Variants in ZNF541 observed in about 807,000 individuals in gnomAD.
The protein encoded by ZNF541 is zinc finger protein 541.
A neutral mutation model predicts 123.5 loss-of-function variants in ZNF541; 23 were observed. The observed-to-expected ratio is 0.19, with a 90% CI of 0.13 to 0.26. The LOEUF (loss-of-function observed/expected upper bound fraction) is 0.26, where lower values mean the gene tolerates loss of function less well. ZNF541 is among the 10% of genes least tolerant of loss of function. ZNF541 has a pLI of 1.00. For synonymous variants in ZNF541, 751 were observed against 754.5 expected (o/e 1.00, Z 0.08); for missense variants, 1,612 against 1,789.9 (o/e 0.90, Z 1.79).
At chr19:47,532,873 G>A in intron 10 of ZNF541, 36 bp downstream of exon 10, 2 of 1,544,678 alleles carry the variant, frequency 1.3e-6, no homozygotes, top group Non-Finnish European at 1.8e-6. Flanking sequence ...CTCAAGGTGG[G>A]GTAAAAGCAG....
Position 47,555,735 on chromosome 19 carries a change from G to A in ZNF541, c.122C>T (p.Thr41Met), listed in dbSNP as rs201997465. ...DTLNRDLGPNTRGFLYAGLSG... is the reference protein window; with the variant it reads ...DTLNRDLGPNMRGFLYAGLSG... The stretch of plus-strand genomic sequence containing the variant: ...CAGGCCAGCATAAAGAAAGCCTCGC[G>A]TGTTGGGACCCAAATCCCGGTTGAG... The change falls in exon 3 of 17, where the codon ACG becomes ATG. Residue 41 changes from threonine (T) to methionine (M), a missense_variant. This residue lies in a region of ZNF541 where 212 missense variants were observed against 289.6 expected (regional missense o/e 0.73). Transcript: ENST00000391901. 21 of 1,551,640 alleles carry A rather than the reference G, an allele frequency of 1.4e-5. No homozygotes were observed. The highest frequency in any genetic ancestry group is 1.7e-4 in the Middle Eastern group (1 of 6,014).
At chr19:47,527,655 C>G (rs998243537) in intron 14 of ZNF541, among the ~76,000 whole-genome samples, 2 of 152,096 alleles carry the variant, frequency 1.3e-5, no homozygotes, top group African/African-American at 4.8e-5. Flanking sequence ...CTTGGCCTCC[C>G]AAAGTGCTAG....
At chr19:47,550,175 C>T (rs1970533349) in intron 3 of ZNF541, among the ~76,000 whole-genome samples, 1 of 151,930 alleles carries the variant, frequency 6.6e-6, no homozygotes. Flanking sequence ...CTGCTTGAAC[C>T]CAGGAGGCGG....
intron 11 of ZNF541, 107 bp downstream of exon 11, chr19:47,532,021 A>G: frequency 2.1e-6 from 3 of 1,423,784 alleles, no homozygotes. Context: ...CCCAGGGGAC[A>G]CTACTTGGAT....
chr19:47,557,233 G>T (rs1028047068), intron 2 of ZNF541, among the ~76,000 whole-genome samples: 1 of 152,152 alleles, frequency 6.6e-6, no homozygotes, highest in African/African-American at 2.4e-5. Context: ...AGACACGTGG[G>T]TGAGGGAAAC....
In ZNF541 at chr19:47,555,690, G is replaced by C. The variant is rs1599723989; in HGVS notation, c.167C>G (p.Pro56Arg). 1 of 1,551,754 alleles carries C rather than the reference G, an allele frequency of 6.4e-7. No homozygotes were observed. Among genetic ancestry groups the C allele is most frequent in the East Asian group, 2.4e-5 (1 of 40,920 alleles). The change falls in exon 3 of 17, where the codon CCC becomes CGC. Residue 56 changes from proline to arginine, a missense_variant. Pro to Arg is a moderately radical substitution (Grantham distance 103, BLOSUM62 -2). Around this residue, in one of 5 missense-constraint regions of ZNF541, gnomAD observed 212 missense variants for 289.6 expected, o/e 0.73. Coordinates refer to ENST00000391901, the MANE Select transcript of ZNF541 (RefSeq NM_001277075.3). Reference sequence around the variant, plus strand: ...GGACATGTCAGGCGTTGGGAGGCTGGGGTCCGGGTCCAGACCACTCAGGCC... The same window carrying C: ...GGACATGTCAGGCGTTGGGAGGCTGCGGTCCGGGTCCAGACCACTCAGGCC... ...YAGLSGLDPD[P>R]SLPTPDMSSE...
intron 14 of ZNF541, among the ~76,000 whole-genome samples, chr19:47,526,493 A>AG (rs1969303193): frequency 1.4e-5 from 2 of 146,512 alleles, no homozygotes; most frequent in African/African-American, 2.7e-5. Flanking sequence ...AAAAAAAAAA[A>AG]AAAAAAAGAA....
rs1160381772 is a variant in ZNF541 at position 47,544,924 on chromosome 19, C to T, written c.1605G>A (p.Ser535=). 6 of 1,535,708 alleles carry T rather than the reference C, an allele frequency of 3.9e-6. No individual in the cohort carries two copies. Among genetic ancestry groups the T allele is most frequent in the Non-Finnish European group, 4.4e-6 (5 of 1,146,776 alleles). The change falls in exon 5 of 17, where the codon TCG becomes TCA. Residue 535 remains serine, a synonymous_variant. Coordinates refer to ENST00000391901, the MANE Select transcript of ZNF541 (RefSeq NM_001277075.3). ...TGAGGAAGAGCTGGCGGAAGAGCGG[C>T]GAGGCATCCGCAGGGAGCCCGCCTG... ...QKAGGLPADA[S]PLFRQLFLKS... is the part of the protein sequence containing the mutation.
chr19:47,568,781 T>C (rs1971364817), intron 2 of ZNF541, among the ~76,000 whole-genome samples: 1 of 152,000 alleles, frequency 6.6e-6, no homozygotes, highest in African/African-American at 2.4e-5. Context: ...CAAGTGATTT[T>C]CCTCCTCAAC....
intron 4 of ZNF541, among the ~76,000 whole-genome samples, chr19:47,548,627 C>T (rs1449614778): frequency 6.6e-6 from 1 of 152,106 alleles, no homozygotes; most frequent in Non-Finnish European, 1.5e-5. Context: ...AGCCCAACTC[C>T]TCCCATGACA....
intron 2 of ZNF541, among the ~76,000 whole-genome samples, chr19:47,563,793 A>G (rs1003618066): frequency 2.0e-5 from 3 of 152,118 alleles, no homozygotes; most frequent in East Asian, 3.9e-4. Context: ...TTTAGTAGAG[A>G]TAGGGTTTCA....
chr19:47,568,471 G>C (rs1971351162), intron 2 of ZNF541, among the ~76,000 whole-genome samples: 1 of 152,094 alleles, frequency 6.6e-6, no homozygotes, highest in Non-Finnish European at 1.5e-5. Context: ...AGCCACCCGA[G>C]TAGCTGGGTT....
At chr19:47,531,970 G>C (rs1969593717) in intron 11 of ZNF541, among the ~76,000 whole-genome samples, 158 bp downstream of exon 11, 2 of 152,162 alleles carry the variant, frequency 1.3e-5, no homozygotes, top group African/African-American at 4.8e-5. Context: ...GAGTGCAGCA[G>C]GGAAGAAGCA....
Position 47,538,161 on chromosome 19 carries a change from C to T in ZNF541, c.3075G>A (p.Gln1025=). ...ACTCACCGAGCATGGAGCTGATGAG[C>T]TGGTCAGGGCTGGCCTGAGTGGACG... ...CSTSTQASPD[Q]LISSMLDQVD... is the part of the protein sequence containing the mutation. Residue 1025 remains glutamine, a synonymous_variant, in exon 9 of 17, where the codon CAG becomes CAA. Transcript: ENST00000391901. The T allele has an allele frequency of 1.9e-6, 3 of 1,550,918 alleles. No homozygotes were observed. Among genetic ancestry groups the T allele is most frequent in the Non-Finnish European group, 2.6e-6 (3 of 1,146,946 alleles).
Position 47,545,689 on chromosome 19 carries a change from A to G in ZNF541, c.840T>C (p.Ser280=), listed in dbSNP as rs1970318932. The stretch of plus-strand genomic sequence containing the variant: ...AAGGGGTCTTCTGGTGGACGATGCT[A>G]CTCACGATGCGGCGCAGGAGGTCCC... The part of the protein sequence containing the change: ...PHRDLLRRIV[S]SIVHQKTPSP... The change falls in exon 5 of 17, where the codon AGT becomes AGC. Residue 280 remains serine, a synonymous_variant. Transcript: ENST00000391901. This position sits in a 1 kb window ranked among gnomAD's most constrained non-coding sequence, Gnocchi z 7.5. The G allele has an allele frequency of 3.9e-6, 6 of 1,547,454 alleles. No homozygotes were observed. The highest frequency in any genetic ancestry group is 4.4e-6 in the Non-Finnish European group (5 of 1,146,480).
Position 47,559,955 on chromosome 19 carries a change from G to A in ZNF541, c.-98-4001C>T, listed in dbSNP as rs117361767. Reference sequence around the variant, plus strand: ...TACTCCCTGGCTCAGCAGTGGTCTCGAAGGTAGCAGCCCATGTTTCTGGTG... The same window carrying A: ...TACTCCCTGGCTCAGCAGTGGTCTCAAAGGTAGCAGCCCATGTTTCTGGTG... On this transcript the variant is annotated intron_variant, in intron 2 of 16. Coordinates refer to ENST00000391901, the MANE Select transcript of ZNF541 (RefSeq NM_001277075.3). Among the ~76,000 whole-genome samples the A allele has an allele frequency of 9.3e-4, 142 of 152,064 alleles. 3 individuals are homozygous for A. In the East Asian group the frequency reaches 0.013, roughly 14 times the overall value.
chr19:47,567,333 C>T (rs1971304406), intron 2 of ZNF541, among the ~76,000 whole-genome samples: 1 of 152,172 alleles, frequency 6.6e-6, no homozygotes, highest in Non-Finnish European at 1.5e-5. Flanking sequence ...TCTCAGTTCA[C>T]TGCAACCTCC....
intron 2 of ZNF541, among the ~76,000 whole-genome samples, chr19:47,568,292 G>T (rs1293627147): frequency 6.6e-6 from 1 of 152,178 alleles, no homozygotes; most frequent in Non-Finnish European, 1.5e-5. Context: ...GTTCCTGGGA[G>T]TTGAGCAGAC....
chr19:47,551,025 A>G (rs1400459281), intron 3 of ZNF541, among the ~76,000 whole-genome samples: 1 of 151,776 alleles, frequency 6.6e-6, no homozygotes, highest in Non-Finnish European at 1.5e-5. Context: ...TTGACCTGAA[A>G]GGTGGATTAG....
Sources: allele counts gnomAD v4.1 joint callset (sites outside exome capture counted in the v4.1 genomes callset), GRCh38; gene constraint gnomAD v4.1.1; regional missense constraint gnomAD v4.1.1; non-coding constraint Gnocchi (gnomAD v3.1); transcripts MANE v1.5; gene names NCBI Gene and HGNC (gene_info 2026-07-23, HGNC 2026-07-21).